Variants in MRPS35 observed in about 807,000 individuals in gnomAD.
MRPS35 encodes small ribosomal subunit protein mS35.
MRPS35 carries 29 observed loss-of-function variants against 32.7 expected under a neutral mutation model. That is an observed-to-expected ratio of 0.89 (90% CI 0.66 to 1.21). The LOEUF is 1.21. Ranked by LOEUF, MRPS35 falls within the 50% of genes most tolerant of loss-of-function variation. The probability of loss-of-function intolerance (pLI) is 0.00; values close to 1 mark genes in which losing one functional copy is unlikely to be tolerated. For missense variants in MRPS35, 373 were observed against 383.8 expected, an observed-to-expected ratio of 0.97 and a Z score of 0.23; for synonymous variants, 148 against 139.3, an observed-to-expected ratio of 1.06 and a Z score of -0.44.
intron 6 of MRPS35, among the ~76,000 whole-genome samples, chr12:27,736,717 T>C (rs1434622407): frequency 6.6e-6 from 1 of 152,208 alleles, no homozygotes; most frequent in Non-Finnish European, 1.5e-5. Context: ...ATGTGTCATC[T>C]CATGTATGTA....
intron 3 of MRPS35, 56 bp downstream of exon 3, chr12:27,716,514 T>C: frequency 6.4e-7 from 1 of 1,570,996 alleles, no homozygotes; most frequent in Non-Finnish European, 8.7e-7. Context: ...AATGCTGATC[T>C]TCCCCCCTAT....
Position 27,719,828 on chromosome 12 carries a change from G to A in MRPS35, c.342G>A (p.Leu114=), listed in dbSNP as rs771753758. Residue 114 remains leucine (L), a synonymous_variant, in exon 4 of 8, where the codon TTG becomes TTA. Transcript: ENST00000081029. The part of the protein sequence containing the change: ...ELLKIPNFLH[L]TPVAIKKHCE... Reference sequence around the variant, plus strand: ...TTAAGATTCCCAATTTTCTGCATTTGACTCCTGTAGCAATTAAAAAGCACT... The same window carrying A: ...TTAAGATTCCCAATTTTCTGCATTTAACTCCTGTAGCAATTAAAAAGCACT... 1 of 1,606,770 alleles carries A rather than the reference G, an allele frequency of 6.2e-7. No individual in the cohort carries two copies.
intron 5 of MRPS35, chr12:27,725,551 T>C (rs1482893077): frequency 1.8e-5 from 4 of 228,522 alleles, no homozygotes; most frequent in Non-Finnish European, 3.5e-5. Context: ...TGAAGTTTGT[T>C]GATATATATT....
intron 5 of MRPS35, among the ~76,000 whole-genome samples, chr12:27,727,511 G>A (rs549813256): frequency 6.6e-6 from 1 of 152,228 alleles, no homozygotes; most frequent in African/African-American, 2.4e-5. Flanking sequence ...TAGTCTAGGT[G>A]TGTAGTAGGC....
chr12:27,740,996 G>A (rs374601640), intron 7 of MRPS35, among the ~76,000 whole-genome samples: 153 of 151,952 alleles, frequency 1.0e-3, no homozygotes, highest in African/African-American at 3.5e-3. Flanking sequence ...ATGAAACCCC[G>A]TCTCTACTAA....
intron 7 of MRPS35, 24 bp downstream of exon 7, chr12:27,737,632 GA>G: frequency 6.4e-7 from 1 of 1,551,568 alleles, no homozygotes; most frequent in Non-Finnish European, 8.9e-7. Context: ...AATATTTAAT[GA>G]TTTTGTCATT....
Position 27,755,579 on chromosome 12 carries a change from T to C in MRPS35, c.*129T>C, listed in dbSNP as rs1303567182. 2.4e-6 allele frequency: 2 copies of C among 835,864 alleles called. No homozygotes were observed. The highest frequency in any genetic ancestry group is 3.5e-6 in the Non-Finnish European group (2 of 575,474). The allele number at this position is 835,864 out of a possible 1,614,324, so 51.8% of individuals were successfully genotyped here. On this transcript the variant is annotated 3_prime_UTR_variant, in exon 8 of 8. Coordinates refer to ENST00000081029, the MANE Select transcript of MRPS35 (RefSeq NM_021821.4). Reference sequence around the variant, plus strand: ...CTCAGAGTTAAAATTATTTCCCTCATACTAATGCTTAATGGCAATGATTAC... The same window carrying C: ...CTCAGAGTTAAAATTATTTCCCTCACACTAATGCTTAATGGCAATGATTAC...
chr12:27,735,412 AATT>A (rs2140771730), intron 5 of MRPS35, 32 bp from the exon 6 acceptor site: 1 of 1,464,786 alleles, frequency 6.8e-7, no homozygotes, highest in Admixed American at 1.9e-5. Flanking sequence ...AATTATATGA[AATT>A]ATTTTTTCAA....
At chr12:27,719,016 G>A (rs2061862085) in intron 3 of MRPS35, among the ~76,000 whole-genome samples, 1 of 152,114 alleles carries the variant, frequency 6.6e-6, no homozygotes, top group Non-Finnish European at 1.5e-5. Context: ...GAGCCTGGGA[G>A]ACAGAGGTTG....
intron 7 of MRPS35, among the ~76,000 whole-genome samples, chr12:27,751,268 C>G (rs2062002201): frequency 6.6e-6 from 1 of 152,128 alleles, no homozygotes; most frequent in Non-Finnish European, 1.5e-5. Context: ...TTACTAATGA[C>G]TTTAAACCAT....
chr12:27,749,443 A>G (rs1433302034), intron 7 of MRPS35, among the ~76,000 whole-genome samples: 2 of 152,238 alleles, frequency 1.3e-5, no homozygotes, highest in African/African-American at 4.8e-5. Flanking sequence ...TCAGTGACAA[A>G]GAAATAAAGA....
At chr12:27,736,587 T>C (rs565136737) in intron 6 of MRPS35, among the ~76,000 whole-genome samples, 75 of 152,084 alleles carry the variant, frequency 4.9e-4, no homozygotes, top group African/African-American at 1.7e-3. Flanking sequence ...TAAATAAATA[T>C]AAGTACAGAA....
intron 3 of MRPS35, among the ~76,000 whole-genome samples, chr12:27,718,836 C>CA (rs2061861414): frequency 6.6e-6 from 1 of 152,228 alleles, no homozygotes; most frequent in African/African-American, 2.4e-5. Context: ...CCTATAATCC[C>CA]AGCACTTTGG....
chr12:27,752,093 A>AAT (rs1555107922), intron 7 of MRPS35, among the ~76,000 whole-genome samples: 4 of 150,890 alleles, frequency 2.7e-5, no homozygotes, highest in Non-Finnish European at 4.4e-5. Flanking sequence ...AAAAAATAAA[A>AAT]TAAAATTAGC....
intron 6 of MRPS35, among the ~76,000 whole-genome samples, chr12:27,737,083 C>T (rs915027945): frequency 3.9e-5 from 6 of 152,180 alleles, no homozygotes; most frequent in African/African-American, 1.2e-4. Context: ...GCTGTGTTGA[C>T]CAGGCTGGCC....
At chr12:27,725,868 C>G (rs565960694) in intron 5 of MRPS35, among the ~76,000 whole-genome samples, 6 of 133,978 alleles carry the variant, frequency 4.5e-5, no homozygotes, top group African/African-American at 1.7e-4. Flanking sequence ...TGCAGTGGCG[C>G]GATCTTGGCT....
intron 1 of MRPS35, among the ~76,000 whole-genome samples, chr12:27,713,866 T>C (rs1368194297): frequency 6.6e-6 from 1 of 152,100 alleles, no homozygotes; most frequent in African/African-American, 2.4e-5. Flanking sequence ...GGTGGGTGGA[T>C]CGCTGGAGCT....
chr12:27,744,512 T>A (rs1390151616), intron 7 of MRPS35, among the ~76,000 whole-genome samples: 1 of 152,236 alleles, frequency 6.6e-6, no homozygotes, highest in Non-Finnish European at 1.5e-5. Flanking sequence ...CACAAATACT[T>A]GCTTCTGTGA....
intron 5 of MRPS35, among the ~76,000 whole-genome samples, chr12:27,732,987 GATATATATATATAT>G (rs56932909): frequency 0.02 from 2,456 of 119,892 alleles, 40 homozygotes; most frequent in East Asian, 0.03. Context: ...GTCATTTGAA[GATATATATATATAT>G]ATATATATAT....
Sources: allele counts gnomAD v4.1 joint callset (sites outside exome capture counted in the v4.1 genomes callset), GRCh38; gene constraint gnomAD v4.1.1; transcripts MANE v1.5; gene names NCBI Gene and HGNC (gene_info 2026-07-23, HGNC 2026-07-21).